SUGP2: variants seen among roughly 807,000 people sequenced by gnomAD.
SUGP2 encodes the protein SURP and G-patch domain-containing protein 2.
Under a neutral mutation model 90.5 loss-of-function variants are expected in SUGP2, and 24 were observed. The observed-to-expected ratio is 0.27, with a 90% CI of 0.19 to 0.37. SUGP2 has a LOEUF of 0.37. Ranked by LOEUF, SUGP2 falls within the 10% of genes least tolerant of loss-of-function variation. The probability of loss-of-function intolerance (pLI) is 1.00; values close to 1 mark genes in which losing one functional copy is unlikely to be tolerated. For missense variants in SUGP2, 1,233 were observed against 1,363.3 expected, an observed-to-expected ratio of 0.90 and a Z score of 1.51; for synonymous variants, 473 against 513.4, an observed-to-expected ratio of 0.92 and a Z score of 1.06.
At chr19:18,998,380 G>A (rs1351495246) in intron 8 of SUGP2, among the ~76,000 whole-genome samples, 5 of 152,184 alleles carry the variant, frequency 3.3e-5, no homozygotes, top group South Asian at 2.1e-4. Context: ...TTGAACTCCC[G>A]GGCTCAAGTG....
At position 18,995,229 on chromosome 19, in the gene SUGP2, C is replaced by G; in HGVS notation, c.3043G>C (p.Gly1015Arg). The G allele has an allele frequency of 6.2e-7, 1 of 1,612,812 alleles. No individual in the cohort carries two copies. Among genetic ancestry groups the G allele is most frequent in the Non-Finnish European group, 8.5e-7 (1 of 1,179,960 alleles). Residue 1015 changes from glycine (G) to arginine (R), a missense_variant, in exon 9 of 11, where the codon GGC (glycine) becomes CGC (arginine). By Grantham distance (125) the Gly-to-Arg change is moderately radical (BLOSUM62 -2). This residue lies in a region of SUGP2 where 105 missense variants were observed against 155.2 expected (regional missense o/e 0.68). Transcript: ENST00000452918. ...CCCATCTTCTGCAGCATCTGGAAGC[C>G]CAGGTTCTTATCGGTCAGCTTCTGC... ...AQQKLTDKNL[G>R]FQMLQKMGWK...
intron 4 of SUGP2, among the ~76,000 whole-genome samples, chr19:19,018,406 G>A (rs891812572): frequency 1.2e-4 from 18 of 149,510 alleles, no homozygotes; most frequent in African/African-American, 3.7e-4. Flanking sequence ...TAAGTTGTTC[G>A]GCCGGGCGCG....
rs2057831147 is a variant in SUGP2 at position 19,001,501 on chromosome 19, C to A, written c.2991+112G>T. On this transcript the variant is annotated intron_variant, in intron 8 of 10. Transcript: ENST00000452918. Reference sequence around the variant, plus strand: ...CTCTGTTGTGTTTTACACATTAATACCTCAGTTTGAAATGTTAGCACAGCT... The same window carrying A: ...CTCTGTTGTGTTTTACACATTAATAACTCAGTTTGAAATGTTAGCACAGCT... 7.3e-6 allele frequency: 8 copies of A among 1,093,882 alleles called. No homozygotes were observed. In the East Asian group the frequency reaches 1.9e-4, roughly 26 times the overall value. 67.8% of individuals were successfully genotyped at this position (1,093,882 alleles called of 1,614,324 possible).
rs775248038 is a variant in SUGP2 at position 19,008,298 on chromosome 19, G to C, written c.2450+19C>G. The C allele has an allele frequency of 2.5e-6, 4 of 1,583,514 alleles. No individual in the cohort carries two copies. The highest frequency in any genetic ancestry group is 2.2e-5 in the East Asian group (1 of 44,748). The stretch of plus-strand genomic sequence containing the variant: ...TCTGAGAAAGAAAAAGGTGTGATGA[G>C]ACCCGGGGGGGTACGTACCACAGGT... On this transcript the variant is annotated intron_variant, in intron 6 of 10. Coordinates refer to ENST00000452918, the MANE Select transcript of SUGP2 (RefSeq NM_001017392.5).
chr19:19,011,621 G>A (rs1234843504), intron 4 of SUGP2, among the ~76,000 whole-genome samples: 1 of 152,142 alleles, frequency 6.6e-6, no homozygotes, highest in Admixed American at 6.5e-5. Flanking sequence ...GTTGTTGCTG[G>A]TTTCTAGTTT....
At chr19:19,033,634 C>A (rs2059288935), upstream of SUGP2, 1 of 1,127,372 alleles carries the variant, frequency 8.9e-7, no homozygotes, top group African/African-American at 1.6e-5. Flanking sequence ...AGCGCGCTGT[C>A]CGCTTCTTCT....
chr19:19,033,156 G>A (rs1357136821), intron 1 of SUGP2: 1 of 186,488 alleles, frequency 5.4e-6, no homozygotes, highest in Non-Finnish European at 1.1e-5. Context: ...CCGAGCGGGG[G>A]CCGCTCCGAG....
rs578033281 is a variant in SUGP2, at chr19:19,032,832, C to G, written c.-12+605G>C. On this transcript the variant is annotated intron_variant, in intron 1 of 10. Coordinates refer to ENST00000452918, the MANE Select transcript of SUGP2 (RefSeq NM_001017392.5). ...GCTGCATCCTTAACCATCAAGATAT[C>G]CCGCTTCGCAAAACCTCCAACTTCA... 7.2e-5 allele frequency among the ~76,000 whole-genome samples: 11 copies of G among 152,324 alleles called. No individual in the cohort carries two copies. The South Asian group carries it at 2.3e-3, about 32-fold the overall frequency.
intron 6 of SUGP2, among the ~76,000 whole-genome samples, chr19:19,005,884 CACACACACCA>C (rs1287065849): frequency 3.0e-4 from 11 of 36,090 alleles, no homozygotes; most frequent in African/African-American, 2.0e-3. Flanking sequence ...CACACACACA[CACACACACCA>C]CACACACACA....
chr19:18,995,111 A>AACCCCC, intron 9 of SUGP2, 33 bp downstream of exon 9: 1 of 949,170 alleles, frequency 1.1e-6, no homozygotes, highest in Non-Finnish European at 1.6e-6. Flanking sequence ...CTGAGGCCCC[A>AACCCCC]CCCACTCCCA....
Position 19,019,219 on chromosome 19 carries a change from C to G in SUGP2, c.1740G>C (p.Gln580His). The change falls in exon 4 of 11, where the codon CAG (glutamine) becomes CAC (histidine). Residue 580 changes from glutamine (Q) to histidine (H), a missense_variant. Physicochemically the swap from Gln to His is conservative, Grantham distance 24. This residue lies in a region of SUGP2 where 540 missense variants were observed against 542.6 expected (regional missense o/e 1.00). Transcript: ENST00000452918. ...APSSLSDAVP[Q>H]RADHRVVGTI... is the part of the protein sequence containing the mutation. The stretch of plus-strand genomic sequence containing the variant: ...TGCCCACTACCCTGTGATCTGCTCG[C>G]TGGGGGACAGCTGGAACACACAGAA... 1.9e-6 allele frequency: 3 copies of G among 1,613,152 alleles called. No individual in the cohort carries two copies. The highest frequency in any genetic ancestry group is 2.5e-6 in the Non-Finnish European group (3 of 1,179,218).
chr19:19,004,115 CCA>C, intron 7 of SUGP2, 51 bp downstream of exon 7: 1 of 1,388,504 alleles, frequency 7.2e-7, no homozygotes, highest in Non-Finnish European at 9.8e-7. Context: ...CTCTCACAGC[CCA>C]CCAACCAAGA....
intron 4 of SUGP2, among the ~76,000 whole-genome samples, chr19:19,011,460 TAA>T (rs764834845): frequency 6.6e-6 from 1 of 152,136 alleles, no homozygotes; most frequent in Non-Finnish European, 1.5e-5. Context: ...CTATTTCTAA[TAA>T]AGTCACCTGA....
chr19:19,026,038 G>C lies in SUGP2; in HGVS notation c.310C>G (p.Arg104Gly), dbSNP rs746254911. 5.0e-6 allele frequency: 8 copies of C among 1,614,032 alleles called. No homozygotes were observed. The highest frequency in any genetic ancestry group is 6.8e-6 in the Non-Finnish European group (8 of 1,180,008). Residue 104 changes from arginine (R) to glycine (G), a missense_variant, in exon 3 of 11, where the codon CGC becomes GGC. Arg to Gly is a moderately radical substitution (Grantham distance 125). Around this residue, in one of 8 missense-constraint regions of SUGP2, gnomAD observed 418 missense variants for 399.9 expected, o/e 1.05. Coordinates refer to ENST00000452918, the MANE Select transcript of SUGP2 (RefSeq NM_001017392.5). ...TCCAGATCCCGGCCACATTCTTTGCGAAAGTAGCTGTCATCACTGATGGAA... is the reference window on the plus strand; with the variant it reads ...TCCAGATCCCGGCCACATTCTTTGCCAAAGTAGCTGTCATCACTGATGGAA... ...NPSISDDSYF[R>G]KECGRDLEFS...
intron 3 of SUGP2, 132 bp from the exon 4 acceptor site, chr19:19,019,361 G>C: frequency 1.0e-6 from 1 of 993,558 alleles, no homozygotes; most frequent in Non-Finnish European, 1.4e-6. Flanking sequence ...TCATTCACAA[G>C]ACACCAGCAT....
chr19:19,017,927 CTTTTTT>C (rs1264966084), intron 4 of SUGP2, among the ~76,000 whole-genome samples: 1 of 140,092 alleles, frequency 7.1e-6, no homozygotes, highest in Non-Finnish European at 1.6e-5. Context: ...CTGATCATCA[CTTTTTT>C]TTTTTTTTTT....
chr19:18,993,057 G>A lies in SUGP2; in HGVS notation c.*684C>T, dbSNP rs2057429812. 1 of 152,068 alleles carries A rather than the reference G, an allele frequency of 6.6e-6. No homozygotes were observed. Among genetic ancestry groups the A allele is most frequent in the Non-Finnish European group, 1.5e-5 (1 of 68,032 alleles). The allele number at this position is 152,068 out of a possible 1,614,324, so 9.4% of individuals were successfully genotyped here. On this transcript the variant is annotated 3_prime_UTR_variant, in exon 11 of 11. Coordinates refer to ENST00000452918, the MANE Select transcript of SUGP2 (RefSeq NM_001017392.5). ...TGTAACTGTAGTTTGCTTACACTGT[G>A]GATTCTAAAGAGACATGTAAATCTG...
chr19:19,025,027 T>C lies in SUGP2; in HGVS notation c.1321A>G (p.Thr441Ala). 1 of 1,614,202 alleles carries C rather than the reference T, an allele frequency of 6.2e-7. No individual in the cohort carries two copies. Among genetic ancestry groups the C allele is most frequent in the Non-Finnish European group, 8.5e-7 (1 of 1,180,038 alleles). ...RLQDRLLKSV[T>A]PLLMACNAYE... ...GCATTGCAGGCCATAAGCAAAGGTG[T>C]GACACTCTTCAGAAGCCGGTCTTGA... The change falls in exon 3 of 11, where the codon ACA becomes GCA. Residue 441 changes from threonine to alanine, a missense_variant. Thr to Ala is a moderately conservative substitution (Grantham distance 58). Transcript: ENST00000452918.
intron 6 of SUGP2, 150 bp from the exon 7 acceptor site, chr19:19,004,796 T>C (rs1599436495): frequency 3.1e-6 from 2 of 641,336 alleles, no homozygotes; most frequent in South Asian, 3.9e-5. Flanking sequence ...GGCTTGATGG[T>C]GCAGCCTCTC....
Sources: gnomAD v4.1 joint callset for allele counts (sites outside exome capture counted in the v4.1 genomes callset) on GRCh38, gnomAD v4.1.1 for gene constraint, gnomAD v4.1.1 regional missense constraint, MANE v1.5 for transcripts, NCBI Gene and HGNC (gene_info 2026-07-23, HGNC 2026-07-21) for gene names.